CDC14B: variants seen among roughly 807,000 people sequenced by gnomAD.
CDC14B encodes the protein dual specificity protein phosphatase CDC14B.
Under a neutral mutation model 64.2 loss-of-function variants are expected in CDC14B, and 22 were observed. That is an observed-to-expected ratio of 0.34 (90% confidence interval 0.24 to 0.49). CDC14B has a LOEUF of 0.49. Among genes scored for constraint, CDC14B ranks in the 20% least tolerant of loss-of-function variants. The pLI, the probability that CDC14B is intolerant of heterozygous loss-of-function variation, is 0.99. For missense variants in CDC14B, 498 were observed against 629.9 expected, an observed-to-expected ratio of 0.79 and a Z score of 2.24; for synonymous variants, 191 against 215.8, an observed-to-expected ratio of 0.89 and a Z score of 1.01.
chr9:96,584,557 A>C (rs1174396353), intron 1 of CDC14B, among the ~76,000 whole-genome samples: 1 of 152,228 alleles, frequency 6.6e-6, no homozygotes, highest in Non-Finnish European at 1.5e-5. Context: ...GTTACATTCT[A>C]ATTTTTCCAT....
rs566802842 is a variant in CDC14B, at chr9:96,549,459, G to A, written c.497+2337C>T. Among the ~76,000 whole-genome samples the A allele has an allele frequency of 5.9e-5, 9 of 152,144 alleles. No homozygotes were observed. In the East Asian group the frequency reaches 1.6e-3, roughly 26 times the overall value. ...AGGCGGGCGGATCATGAGGTCAAGA[G>A]ATCAAGACATCCTGGCCAACATGGT... On this transcript the variant is annotated intron_variant, in intron 5 of 13. Coordinates refer to ENST00000375241, the MANE Select transcript of CDC14B (RefSeq NM_033331.4).
In CDC14B at chr9:96,564,864, A is replaced by C. The variant is rs1341469632; in HGVS notation, c.252-12T>G. Reference sequence around the variant, plus strand: ...AATCTGCGTAGAAGCTTTAAAAATGAAAAATAAAAATGTGATGTACATTCT... The same window carrying C: ...AATCTGCGTAGAAGCTTTAAAAATGCAAAATAAAAATGTGATGTACATTCT... On this transcript the variant is annotated splice_polypyrimidine_tract_variant and intron_variant, in intron 2 of 13. Coordinates refer to ENST00000375241, the MANE Select transcript of CDC14B (RefSeq NM_033331.4). 6.4e-7 allele frequency: 1 copy of C among 1,559,186 alleles called. No homozygotes were observed. The highest frequency in any genetic ancestry group is 8.8e-7 in the Non-Finnish European group (1 of 1,142,154).
intron 3 of CDC14B, 60 bp from the exon 4 acceptor site, chr9:96,562,845 C>A: frequency 1.8e-6 from 2 of 1,106,644 alleles, no homozygotes; most frequent in Non-Finnish European, 2.8e-6. Context: ...TCCACAATTT[C>A]ATTTTGTGAT....
intron 1 of CDC14B, chr9:96,567,027 A>G: frequency 7.4e-7 from 1 of 1,345,318 alleles, no homozygotes; most frequent in African/African-American, 1.5e-5. Flanking sequence ...CCCGCGCGCG[A>G]CGAGGCCGTG....
exon 14 of CDC14B, chr9:96,490,999 C>T (rs922654045): frequency 2.1e-4 from 32 of 152,288 alleles, no homozygotes; most frequent in Admixed American, 2.0e-3. Flanking sequence ...GGGTACACCT[C>T]AGAGGTTCAG....
chr9:96,606,301 C>G (rs1846914795), intron 1 of CDC14B, among the ~76,000 whole-genome samples: 2 of 138,884 alleles, frequency 1.4e-5, no homozygotes, highest in East Asian at 4.1e-4. Flanking sequence ...CAACTGCACT[C>G]CAGCCTGGGG....
intron 1 of CDC14B, among the ~76,000 whole-genome samples, chr9:96,615,218 T>G (rs1292326791): frequency 6.6e-6 from 1 of 152,136 alleles, no homozygotes; most frequent in Non-Finnish European, 1.5e-5. Flanking sequence ...AAAAAATCCG[T>G]GTCATTGCAC....
intron 13 of CDC14B, among the ~76,000 whole-genome samples, chr9:96,507,631 G>A (rs1031867524): frequency 1.6e-4 from 24 of 152,070 alleles, no homozygotes; most frequent in African/African-American, 5.8e-4. Flanking sequence ...GGCCAGGCTG[G>A]TCTTGAACTC....
chr9:96,497,312 AGAGGCG>A (rs1352878889), downstream of CDC14B, among the ~76,000 whole-genome samples: 26 of 149,876 alleles, frequency 1.7e-4, no homozygotes, highest in African/African-American at 6.1e-4. Flanking sequence ...GCGGGGAGGC[AGAGGCG>A]GGAGGCCCCC....
chr9:96,600,026 G>A (rs569004736), intron 1 of CDC14B, among the ~76,000 whole-genome samples: 9 of 152,060 alleles, frequency 5.9e-5, no homozygotes, highest in African/African-American at 2.2e-4. Context: ...CACCATACCT[G>A]GCCGTTATTT....
At chr9:96,539,047 A>G (rs1157519051) in intron 7 of CDC14B, 31 bp downstream of exon 7, 2 of 1,421,264 alleles carry the variant, frequency 1.4e-6, no homozygotes, top group African/African-American at 1.4e-5. Context: ...GGGGGGAGGA[A>G]GAGTTGAAAA....
intron 3 of CDC14B, among the ~76,000 whole-genome samples, chr9:96,563,654 GGAA>G (rs1321591624): frequency 1.7e-5 from 2 of 114,696 alleles, no homozygotes; most frequent in African/African-American, 1.4e-4. Context: ...CTGTCTCACG[GGAA>G]AAAAAAAAAA....
At chr9:96,517,384 G>A (rs1327006268) in intron 12 of CDC14B, among the ~76,000 whole-genome samples, 1 of 148,332 alleles carries the variant, frequency 6.7e-6, no homozygotes, top group African/African-American at 2.5e-5. Context: ...CGGGCGTGGT[G>A]GCTCACACCT....
intron 9 of CDC14B, among the ~76,000 whole-genome samples, chr9:96,526,164 G>C (rs1439705027): frequency 6.6e-6 from 1 of 152,078 alleles, no homozygotes; most frequent in Non-Finnish European, 1.5e-5. Flanking sequence ...TCAGGAGATT[G>C]AGACCATCCT....
intron 1 of CDC14B, among the ~76,000 whole-genome samples, chr9:96,591,350 G>A (rs954937110): frequency 2.0e-5 from 3 of 152,116 alleles, no homozygotes; most frequent in Non-Finnish European, 4.4e-5. Context: ...ACCATTTGTT[G>A]AAGACACAAA....
chr9:96,576,532 C>G (rs1844811215), intron 1 of CDC14B, among the ~76,000 whole-genome samples: 1 of 145,730 alleles, frequency 6.9e-6, no homozygotes, highest in South Asian at 2.2e-4. Flanking sequence ...ACTCAGGAAG[C>G]TGAGGCAGGA....
At chr9:96,576,049 G>A (rs1281348851) in intron 1 of CDC14B, among the ~76,000 whole-genome samples, 2 of 152,116 alleles carry the variant, frequency 1.3e-5, no homozygotes, top group Admixed American at 6.5e-5. Context: ...GCTGAGGCGG[G>A]TGGATCACCT....
intron 4 of CDC14B, among the ~76,000 whole-genome samples, chr9:96,559,668 A>G (rs1842908203): frequency 6.6e-6 from 1 of 152,108 alleles, no homozygotes; most frequent in Non-Finnish European, 1.5e-5. Context: ...CCCAATTCCT[A>G]TTTTAGCAGC....
chr9:96,499,412 G>A (rs1833384908), downstream of CDC14B, among the ~76,000 whole-genome samples: 1 of 152,228 alleles, frequency 6.6e-6, no homozygotes, highest in Non-Finnish European at 1.5e-5. Context: ...GTAGAAAGCA[G>A]GGGTCTGGCG....
Sources: gnomAD v4.1 joint callset for allele counts (sites outside exome capture counted in the v4.1 genomes callset) on GRCh38, gnomAD v4.1.1 for gene constraint, MANE v1.5 for transcripts, NCBI Gene and HGNC (gene_info 2026-07-23, HGNC 2026-07-21) for gene names.